NRF1: variants seen among roughly 807,000 people sequenced by gnomAD.
The protein encoded by NRF1 is nuclear respiratory factor 1.
A neutral mutation model predicts 58.5 loss-of-function variants in NRF1; 5 were observed. The ratio of observed to expected loss-of-function variants is 0.09; its 90% CI spans 0.04 to 0.18. The LOEUF (loss-of-function observed/expected upper bound fraction) is 0.18, where lower values mean the gene tolerates loss of function less well. Among genes scored for constraint, NRF1 ranks in the 10% least tolerant of loss-of-function variants. NRF1 has a pLI of 1.00. For missense variants in NRF1, 288 were observed against 657.7 expected (o/e 0.44, Z 6.15); for synonymous variants, 224 against 246.7 (o/e 0.91, Z 0.86).
chr7:129,713,845 C>G (rs1584665157), intron 8 of NRF1, among the ~76,000 whole-genome samples: 1 of 152,264 alleles, frequency 6.6e-6, no homozygotes, highest in Middle Eastern at 3.4e-3. Context: ...TGGGAACTAG[C>G]CAAACAAAGG....
At chr7:129,612,686 A>G (rs561073483) in intron 1 of NRF1, among the ~76,000 whole-genome samples, 17 of 152,264 alleles carry the variant, frequency 1.1e-4, no homozygotes, top group African/African-American at 4.1e-4. Context: ...ACCTTTTGCC[A>G]CTGGAAAGAC....
chr7:129,724,991 G>T (rs1803416655), intron 9 of NRF1, among the ~76,000 whole-genome samples: 1 of 152,184 alleles, frequency 6.6e-6, no homozygotes, highest in Non-Finnish European at 1.5e-5. Context: ...AAGCAGGATT[G>T]CTTGAGCCCG....
intron 5 of NRF1, among the ~76,000 whole-genome samples, chr7:129,693,584 G>A (rs925852569): frequency 5.3e-5 from 8 of 151,788 alleles, no homozygotes; most frequent in East Asian, 1.9e-4. Context: ...TAATGTTAGT[G>A]TATTTTATGT....
At chr7:129,684,468 G>A (rs1326772658) in intron 4 of NRF1, among the ~76,000 whole-genome samples, 1 of 152,022 alleles carries the variant, frequency 6.6e-6, no homozygotes, top group Non-Finnish European at 1.5e-5. Flanking sequence ...AATATTAACC[G>A]AAAACCTCAA....
At chr7:129,642,859 C>T (rs1480214026) in intron 1 of NRF1, among the ~76,000 whole-genome samples, 1 of 151,014 alleles carries the variant, frequency 6.6e-6, no homozygotes, top group East Asian at 2.0e-4. Flanking sequence ...CTCCTGGGCT[C>T]ACTCCATCCT....
intron 9 of NRF1, among the ~76,000 whole-genome samples, chr7:129,718,348 C>T (rs1803239234): frequency 6.6e-6 from 1 of 152,176 alleles, no homozygotes; most frequent in African/African-American, 2.4e-5. Context: ...CCAGGCTCTC[C>T]TATTCTGTAA....
intron 1 of NRF1, among the ~76,000 whole-genome samples, chr7:129,647,275 C>T (rs1801430316): frequency 6.6e-6 from 1 of 152,134 alleles, no homozygotes; most frequent in African/African-American, 2.4e-5. Context: ...CGCGATCTGC[C>T]CGCCTCTGGC....
chr7:129,658,422 T>A (rs1462981983), intron 2 of NRF1, among the ~76,000 whole-genome samples: 1 of 151,766 alleles, frequency 6.6e-6, no homozygotes, highest in Non-Finnish European at 1.5e-5. Flanking sequence ...TGCAATCCCA[T>A]CTCTACCAAA....
intron 1 of NRF1, among the ~76,000 whole-genome samples, chr7:129,654,848 C>G (rs1028845799): frequency 6.6e-6 from 1 of 152,184 alleles, no homozygotes; most frequent in Non-Finnish European, 1.5e-5. Context: ...ACCATACTAT[C>G]TTGATTACTG....
chr7:129,628,095 G>A (rs1168814076), intron 1 of NRF1, among the ~76,000 whole-genome samples: 1 of 135,926 alleles, frequency 7.4e-6, no homozygotes, highest in Non-Finnish European at 1.5e-5. Context: ...CCAGGCAGGA[G>A]TGCAGTGGCA....
At chr7:129,673,533 T>TCCTGGCTAACAA (rs576818205) in intron 3 of NRF1, among the ~76,000 whole-genome samples, 1 of 150,388 alleles carries the variant, frequency 6.6e-6, no homozygotes, top group African/African-American at 2.4e-5. Flanking sequence ...ATCGAGACCA[T>TCCTGGCTAACAA]GGTGAAACCT....
chr7:129,636,829 AG>A (rs1180307328), intron 1 of NRF1, among the ~76,000 whole-genome samples: 2 of 152,200 alleles, frequency 1.3e-5, no homozygotes, highest in Non-Finnish European at 2.9e-5. Context: ...CAAAGCTGCC[AG>A]GGTGTTTGGA....
rs1369398509 is a variant in NRF1, at chr7:129,690,417, C to T, written c.477C>T (p.Tyr159=). The change falls in exon 5 of 11, where the codon TAC becomes TAT. Residue 159 remains tyrosine (Y), a synonymous_variant. Transcript: ENST00000393232. ...AAPLENVVRK[Y]KSMILEDLES... ...TTAATTCCCTGCAGGTGCGTAAGTA[C>T]AAGAGCATGATCCTGGAAGACCTGG... 2 of 1,613,876 alleles carry T rather than the reference C, an allele frequency of 1.2e-6. No individual in the cohort carries two copies. Among genetic ancestry groups the T allele is most frequent in the Non-Finnish European group, 1.7e-6 (2 of 1,179,856 alleles).
chr7:129,675,851 A>C (rs112683797), intron 3 of NRF1, among the ~76,000 whole-genome samples: 7 of 152,314 alleles, frequency 4.6e-5, no homozygotes, highest in Non-Finnish European at 8.8e-5. Context: ...AAGAGAGTCA[A>C]CCTGTCCTTT....
intron 4 of NRF1, among the ~76,000 whole-genome samples, chr7:129,682,565 A>G (rs544834651): frequency 2.6e-4 from 39 of 151,684 alleles, no homozygotes; most frequent in Non-Finnish European, 4.7e-4. Context: ...AGAGATCTGA[A>G]TAACAGATTT....
intron 1 of NRF1, among the ~76,000 whole-genome samples, chr7:129,636,985 A>G (rs567070845): frequency 3.4e-4 from 52 of 152,154 alleles, no homozygotes; most frequent in Non-Finnish European, 1.6e-4. Context: ...CTGTGTCTAT[A>G]ATGCCTAGTA....
At chr7:129,718,531 C>T (rs1803242667) in intron 9 of NRF1, among the ~76,000 whole-genome samples, 1 of 152,116 alleles carries the variant, frequency 6.6e-6, no homozygotes, top group African/African-American at 2.4e-5. Context: ...TATACTCTGC[C>T]CTCAAAGAAA....
At chr7:129,689,859 T>C (rs1053861086) in intron 4 of NRF1, among the ~76,000 whole-genome samples, 1 of 152,212 alleles carries the variant, frequency 6.6e-6, no homozygotes, top group Non-Finnish European at 1.5e-5. Flanking sequence ...AACATACACC[T>C]ATCAGTTTTT....
intron 5 of NRF1, among the ~76,000 whole-genome samples, chr7:129,694,161 A>C (rs1453894128): frequency 6.6e-6 from 1 of 152,204 alleles, no homozygotes; most frequent in African/African-American, 2.4e-5. Context: ...AAAGATGATG[A>C]CTAAAAAGTC....
Sources: gnomAD v4.1 joint callset for allele counts (sites outside exome capture counted in the v4.1 genomes callset) on GRCh38, gnomAD v4.1.1 for gene constraint, MANE v1.5 for transcripts, NCBI Gene and HGNC (gene_info 2026-07-23, HGNC 2026-07-21) for gene names.